BRWD1: variants seen among roughly 807,000 people sequenced by gnomAD.
The protein encoded by BRWD1 is bromodomain and WD repeat-containing protein 1.
In BRWD1, 82 loss-of-function variants were observed where a neutral mutation model predicts 251.2. The observed-to-expected ratio is 0.33, with a 90% CI of 0.27 to 0.39. The LOEUF is 0.39. Ranked by LOEUF, BRWD1 falls within the 10% of genes least tolerant of loss-of-function variation. The probability of loss-of-function intolerance (pLI) is 1.00; values close to 1 mark genes in which losing one functional copy is unlikely to be tolerated. For missense variants in BRWD1, 2,233 were observed against 2,711.6 expected (o/e 0.82, Z 3.92); for synonymous variants, 918 against 902.8 (o/e 1.02, Z -0.30).
chr21:39,270,645 A>G (rs1461846987), intron 13 of BRWD1, among the ~76,000 whole-genome samples: 4 of 152,244 alleles, frequency 2.6e-5, no homozygotes, highest in Non-Finnish European at 4.4e-5. Flanking sequence ...GAAACAGTAC[A>G]GAGACTGAAT....
chr21:39,223,256 A>AT (rs924860804), intron 29 of BRWD1, among the ~76,000 whole-genome samples: 35 of 152,122 alleles, frequency 2.3e-4, no homozygotes, highest in Admixed American at 5.2e-4. Context: ...TCCTTGTACT[A>AT]TTTTTTTTAA....
At chr21:39,309,140 C>T (rs565707893) in intron 4 of BRWD1, among the ~76,000 whole-genome samples, 1 of 152,070 alleles carries the variant, frequency 6.6e-6, no homozygotes, top group East Asian at 1.9e-4. Context: ...CACCACTGCA[C>T]TCCAGCCTGG....
intron 4 of BRWD1, among the ~76,000 whole-genome samples, chr21:39,312,123 G>A (rs1220786251): frequency 6.6e-6 from 1 of 152,148 alleles, no homozygotes; most frequent in African/African-American, 2.4e-5. Context: ...ATAAAAGCAA[G>A]TTATATAGAA....
intron 27 of BRWD1, among the ~76,000 whole-genome samples, chr21:39,227,238 G>A (rs2033420647): frequency 6.6e-6 from 1 of 152,196 alleles, no homozygotes; most frequent in South Asian, 2.1e-4. Context: ...GTGTACACCA[G>A]ATGACACAGC....
chr21:39,239,685 T>C (rs574576656), intron 21 of BRWD1, among the ~76,000 whole-genome samples: 73 of 152,302 alleles, frequency 4.8e-4, no homozygotes, highest in African/African-American at 1.7e-3. Flanking sequence ...AAAAATCAGT[T>C]TGTCAGTAAA....
At chr21:39,310,359 T>C (rs777692834) in intron 4 of BRWD1, among the ~76,000 whole-genome samples, 3 of 151,036 alleles carry the variant, frequency 2.0e-5, no homozygotes, top group Non-Finnish European at 4.4e-5. Context: ...CCACTAAAAA[T>C]ATAAAAATTA....
intron 4 of BRWD1, among the ~76,000 whole-genome samples, chr21:39,306,555 T>C (rs1235296125): frequency 2.0e-5 from 3 of 152,132 alleles, no homozygotes; most frequent in African/African-American, 7.2e-5. Context: ...TTAAGAGACT[T>C]AATAATTGAA....
At chr21:39,302,302 A>G (rs529012935) in intron 4 of BRWD1, among the ~76,000 whole-genome samples, 2 of 152,320 alleles carry the variant, frequency 1.3e-5, no homozygotes, top group African/African-American at 4.8e-5. Context: ...ATTAAAAGAA[A>G]TAACAAAATA....
At chr21:39,230,310 T>C (rs1179573491) in intron 25 of BRWD1, among the ~76,000 whole-genome samples, 1 of 152,206 alleles carries the variant, frequency 6.6e-6, no homozygotes, top group Non-Finnish European at 1.5e-5. Context: ...TCTCTGATAC[T>C]AGGAATACAA....
At chr21:39,217,070 TATATATATA>T (rs2032966890) in intron 31 of BRWD1, 13 of 10,378 alleles carry the variant, frequency 1.3e-3, no homozygotes, top group Admixed American at 2.6e-3. Context: ...TATATATATA[TATATATATA>T]TATATTTTTT....
At chr21:39,231,872 T>C (rs2033629390) in intron 25 of BRWD1, among the ~76,000 whole-genome samples, 1 of 152,228 alleles carries the variant, frequency 6.6e-6, no homozygotes, top group South Asian at 2.1e-4. Flanking sequence ...TTTCTTCCTC[T>C]GAAAATCTGT....
At position 39,236,629 on chromosome 21, in the gene BRWD1, C is replaced by T. The variant is rs374322721; in HGVS notation, c.2732G>A (p.Arg911Gln). Residue 911 changes from arginine (R) to glutamine (Q), a missense_variant, in exon 23 of 41, where the codon CGA becomes CAA. Arg to Gln is a conservative substitution (Grantham distance 43). Around this residue, in one of 12 missense-constraint regions of BRWD1, gnomAD observed 214 missense variants for 222.0 expected, o/e 0.96. Transcript: ENST00000342449. ...AGGCTTATTTTCTTTCTTTCTCTTT[C>T]GTCTTCTTTTTGGAGGAGATAAATT... ...TENLSPPKRR[R>Q]KRKKENKPKK... The T allele has an allele frequency of 3.4e-5, 54 of 1,609,588 alleles. No homozygotes were observed. Among genetic ancestry groups the T allele is most frequent in the Non-Finnish European group, 4.2e-5 (50 of 1,178,306 alleles).
chr21:39,278,742 C>A lies in BRWD1; in HGVS notation c.1003+1G>T. On this transcript the variant is annotated splice_donor_variant, in intron 10 of 40. Coordinates refer to ENST00000342449, the MANE Select transcript of BRWD1 (RefSeq NM_033656.4). LOFTEE classifies it high-confidence loss of function. The stretch of plus-strand genomic sequence containing the variant: ...AGAAAAAAATGTGAAGAAGTTCTTA[C>A]CAACACTAAAAGAAGAACAAAGCAT... 1 of 1,575,044 alleles carries A rather than the reference C, an allele frequency of 6.3e-7. No individual in the cohort carries two copies. Among genetic ancestry groups the A allele is most frequent in the Non-Finnish European group, 8.6e-7 (1 of 1,165,414 alleles).
upstream of BRWD1, chr21:39,314,478 G>A: frequency 2.7e-6 from 1 of 371,730 alleles, no homozygotes; most frequent in Non-Finnish European, 5.4e-6. Context: ...CCCTCCTTAG[G>A]AAGAGAAGCC....
In BRWD1 at chr21:39,270,272, A is replaced by C. The variant is rs749429240; in HGVS notation, c.1395+11T>G. 2 of 1,550,920 alleles carry C rather than the reference A, an allele frequency of 1.3e-6. No homozygotes were observed. The highest frequency in any genetic ancestry group is 8.7e-7 in the Non-Finnish European group (1 of 1,151,594). ...AATCTCATTTGTTACACTGTACCAGAAATTACCTACCATTAAGTTATGAAG... is the reference window on the plus strand; with the variant it reads ...AATCTCATTTGTTACACTGTACCAGCAATTACCTACCATTAAGTTATGAAG... On this transcript the variant is annotated intron_variant, in intron 14 of 40. Coordinates refer to ENST00000342449, the MANE Select transcript of BRWD1 (RefSeq NM_033656.4).
At position 39,192,853 on chromosome 21, in the gene BRWD1, C is replaced by T; in HGVS notation, c.*3406G>A. 1 of 982,878 alleles carries T rather than the reference C, an allele frequency of 1.0e-6. No individual in the cohort carries two copies. Among genetic ancestry groups the T allele is most frequent in the Admixed American group, 6.3e-5 (1 of 15,986 alleles). 60.9% of individuals were successfully genotyped at this position (982,878 alleles called of 1,614,324 possible). Reference sequence around the variant, plus strand: ...TTGGCACAATCAAGTTCAACTTGTACTAACAGAAAATATTAAAATTCTTCC... The same window carrying T: ...TTGGCACAATCAAGTTCAACTTGTATTAACAGAAAATATTAAAATTCTTCC... On this transcript the variant is annotated 3_prime_UTR_variant, in exon 41 of 41. Coordinates refer to ENST00000342449, the MANE Select transcript of BRWD1 (RefSeq NM_033656.4).
chr21:39,208,215 T>C (rs1229594326), intron 36 of BRWD1, among the ~76,000 whole-genome samples: 1 of 152,214 alleles, frequency 6.6e-6, no homozygotes, highest in African/African-American at 2.4e-5. Flanking sequence ...CTGTATGGTA[T>C]GTGTCCTCAA....
At chr21:39,301,765 A>C (rs921497223) in intron 4 of BRWD1, among the ~76,000 whole-genome samples, 1 of 152,060 alleles carries the variant, frequency 6.6e-6, no homozygotes, top group African/African-American at 2.4e-5. Context: ...AACTGCTGAA[A>C]ATCAAAGACA....
Position 39,200,470 on chromosome 21 carries a change from C to T in BRWD1, c.4586-84G>A, listed in dbSNP as rs969066419. The stretch of plus-strand genomic sequence containing the variant: ...AAGCAGTTCATAACATTACTCTGAA[C>T]ATTACATAACATTACTACAAAAGCA... On this transcript the variant is annotated intron_variant, in intron 38 of 40. Transcript: ENST00000342449. The T allele has an allele frequency of 2.9e-6, 3 of 1,031,382 alleles. No individual in the cohort carries two copies. The African/African-American group carries it at 4.9e-5, about 17-fold the overall frequency. 63.9% of individuals were successfully genotyped at this position (1,031,382 alleles called of 1,614,324 possible).
Sources: allele counts gnomAD v4.1 joint callset (sites outside exome capture counted in the v4.1 genomes callset), GRCh38; gene constraint gnomAD v4.1.1; regional missense constraint gnomAD v4.1.1; transcripts MANE v1.5; gene names NCBI Gene and HGNC (gene_info 2026-07-23, HGNC 2026-07-21).